ABCC1: variants seen among roughly 807,000 people sequenced by gnomAD.
The protein encoded by ABCC1 is multidrug resistance-associated protein 1.
In ABCC1, 83 loss-of-function variants were observed where a neutral mutation model predicts 172.9. The ratio of observed to expected loss-of-function variants is 0.48; its 90% confidence interval spans 0.40 to 0.58. The LOEUF is 0.58. Among genes scored for constraint, ABCC1 ranks in the 20% least tolerant of loss-of-function variants. ABCC1 has a pLI of 0.00. For synonymous variants in ABCC1, 937 were observed against 825.2 expected, an observed-to-expected ratio of 1.14 and a Z score of -2.32; for missense variants, 1,817 against 2,002.7, an observed-to-expected ratio of 0.91 and a Z score of 1.77.
At chr16:16,012,167 C>T (rs1197213228) in intron 3 of ABCC1, among the ~76,000 whole-genome samples, 1 of 152,216 alleles carries the variant, frequency 6.6e-6, no homozygotes, top group African/African-American at 2.4e-5. Flanking sequence ...GTCCTAATCC[C>T]TTTATTAACC....
intron 1 of ABCC1, among the ~76,000 whole-genome samples, chr16:15,986,499 C>T (rs139823195): frequency 6.4e-4 from 98 of 152,308 alleles, no homozygotes; most frequent in Admixed American, 2.1e-3. Flanking sequence ...TGAACCCTAA[C>T]GTGAACCGTG....
At chr16:16,124,390 T>TGG in intron 24 of ABCC1, among the ~76,000 whole-genome samples, 1 of 127,682 alleles carries the variant, frequency 7.8e-6, no homozygotes, top group Non-Finnish European at 1.7e-5. Context: ...TGTGTGTGTG[T>TGG]GTGTGTGTGT....
rs1491397616 is a variant in ABCC1, at chr16:16,026,464, C to CTTTTTTTTTTTTTTTT, written c.616-6645_616-6644insTTTTTTTTTTTTTTTT. ...AAAAAAAAAAAAAAAAAGGCTATTTCCTTTTTTTTTTTTTTTTTTTTTTTG... is the reference window on the plus strand; with the variant it reads ...AAAAAAAAAAAAAAAAAGGCTATTTCTTTTTTTTTTTTTTTTCTTTTTTTTTTTTTTTTTTTTTTTG... On this transcript the variant is annotated intron_variant, in intron 5 of 30. Transcript: ENST00000399410. 1.3e-4 allele frequency among the ~76,000 whole-genome samples: 13 copies of CTTTTTTTTTTTTTTTT among 102,254 alleles called. 1 individual carries two copies. Among genetic ancestry groups the CTTTTTTTTTTTTTTTT allele is most frequent in the African/African-American group, 3.5e-4 (10 of 28,678 alleles). 67.1% of individuals were successfully genotyped at this position (102,254 alleles called of 152,430 possible). A position where few individuals can be genotyped will look rare whatever the true frequency, so the allele number is the denominator to read the frequency against.
intron 20 of ABCC1, 34 bp downstream of exon 20, chr16:16,102,751 C>G (rs1010439181): frequency 1.2e-5 from 18 of 1,543,972 alleles, no homozygotes; most frequent in Non-Finnish European, 1.6e-5. Context: ...AACCTAAGGA[C>G]CCTGCCCTGC....
At chr16:16,115,221 A>C in intron 23 of ABCC1, 145 bp downstream of exon 23, 1 of 946,230 alleles carries the variant, frequency 1.1e-6, no homozygotes, top group Non-Finnish European at 1.5e-6. Context: ...TCGAATACCT[A>C]AATTGTTTTT....
chr16:16,068,346 G>A, intron 13 of ABCC1, 44 bp downstream of exon 13: 3 of 1,606,576 alleles, frequency 1.9e-6, no homozygotes, highest in Non-Finnish European at 2.6e-6. Context: ...GGGCCTTGGG[G>A]TTCTAGGCCA....
intron 26 of ABCC1, among the ~76,000 whole-genome samples, chr16:16,127,004 G>A (rs924092109): frequency 2.0e-5 from 3 of 152,110 alleles, no homozygotes; most frequent in African/African-American, 7.2e-5. Flanking sequence ...TAGGACCCGT[G>A]CCTCCAGTCT....
chr16:16,120,143 C>T (rs911219508), intron 23 of ABCC1, among the ~76,000 whole-genome samples: 1 of 152,148 alleles, frequency 6.6e-6, no homozygotes, highest in Non-Finnish European at 1.5e-5. Flanking sequence ...TAAAAGCCAC[C>T]TGCTGCTATT....
chr16:16,122,065 G>C lies in ABCC1; in HGVS notation c.3481G>C (p.Gly1161Arg). ...VYSHFNETLL[G>R]VSVIRAFEEQ... Reference sequence around the variant, plus strand: ...TTCCCATTTCAACGAGACCTTGCTGGGGGTCAGCGTCATTCGAGCCTTCGA... The same window carrying C: ...TTCCCATTTCAACGAGACCTTGCTGCGGGTCAGCGTCATTCGAGCCTTCGA... Residue 1161 changes from glycine to arginine, a missense_variant, in exon 24 of 31, where the codon GGG becomes CGG. Gly to Arg is a moderately radical substitution (Grantham distance 125). Around this residue, in one of 3 missense-constraint regions of ABCC1, gnomAD observed 1,412 missense variants for 1,600.3 expected, o/e 0.88. Coordinates refer to ENST00000399410, the MANE Select transcript of ABCC1 (RefSeq NM_004996.4). The C allele has an allele frequency of 6.2e-7, 1 of 1,614,174 alleles. No homozygotes were observed.
At chr16:15,982,826 G>GAAAAAAAAAAAAAAAAAAAAA (rs1272269895) in intron 1 of ABCC1, among the ~76,000 whole-genome samples, 4 of 43,632 alleles carry the variant, frequency 9.2e-5, no homozygotes, top group Non-Finnish European at 1.1e-4. Context: ...AAAAAAAAAG[G>GAAAAAAAAAAAAAAAAAAAAA]AAATCCATTC....
chr16:16,062,515 G>A (rs989947877), intron 12 of ABCC1, among the ~76,000 whole-genome samples: 3 of 152,062 alleles, frequency 2.0e-5, no homozygotes, highest in Non-Finnish European at 4.4e-5. Context: ...CCCGGCTACC[G>A]GCTTTACTTA....
intron 5 of ABCC1, among the ~76,000 whole-genome samples, 186 bp downstream of exon 5, chr16:16,016,807 G>A (rs1265305132): frequency 6.6e-6 from 1 of 152,220 alleles, no homozygotes; most frequent in African/African-American, 2.4e-5. Flanking sequence ...GGCTGGGGGA[G>A]CTGAAGGAGA....
At chr16:15,994,551 A>C (rs75628216) in intron 1 of ABCC1, among the ~76,000 whole-genome samples, 3 of 151,956 alleles carry the variant, frequency 2.0e-5, no homozygotes, top group African/African-American at 7.3e-5. Context: ...TTTGTTTCCA[A>C]CTCAGCATTT....
chr16:16,120,285 C>T (rs765626086), intron 23 of ABCC1, among the ~76,000 whole-genome samples: 9 of 152,154 alleles, frequency 5.9e-5, no homozygotes, highest in Non-Finnish European at 1.5e-5. Context: ...ATTGTAGGCA[C>T]CTTGTGGAAT....
chr16:16,008,012 C>A lies in ABCC1; in HGVS notation c.225+20C>A. 2 of 1,394,206 alleles carry A rather than the reference C, an allele frequency of 1.4e-6. No homozygotes were observed. The allele number at this position is 1,394,206 out of a possible 1,614,324, so 86.4% of individuals were successfully genotyped here. ...AAAACTGTAAGTCACTGGGGGGTTT[C>A]GTTGTGGGGGGTGGGAAGGTGCACC... On this transcript the variant is annotated intron_variant, in intron 2 of 30. Transcript: ENST00000399410.
intron 1 of ABCC1, among the ~76,000 whole-genome samples, chr16:15,992,261 T>C (rs1236391431): frequency 1.3e-5 from 2 of 152,086 alleles, no homozygotes; most frequent in Admixed American, 1.3e-4. Context: ...TGGTGAGTTG[T>C]ATAATTATTT....
chr16:16,011,541 G>A (rs757941818), intron 3 of ABCC1, among the ~76,000 whole-genome samples: 1 of 151,164 alleles, frequency 6.6e-6, no homozygotes. Flanking sequence ...CTTCACTGGC[G>A]TGAGATCACA....
intron 17 of ABCC1, among the ~76,000 whole-genome samples, chr16:16,084,605 C>T (rs1030529401): frequency 1.5e-4 from 22 of 144,644 alleles, no homozygotes; most frequent in East Asian, 4.1e-4. Flanking sequence ...CTCAAGTGAT[C>T]GGCTGGCCTC....
chr16:16,090,312 C>G (rs554300464), intron 18 of ABCC1, 93 bp from the exon 19 acceptor site: 1 of 1,346,240 alleles, frequency 7.4e-7, no homozygotes, highest in Non-Finnish European at 9.8e-7. Context: ...ACCAGGTGTT[C>G]GTCGGCTCAT....
Sources: gnomAD v4.1 joint callset for allele counts (sites outside exome capture counted in the v4.1 genomes callset) on GRCh38, gnomAD v4.1.1 for gene constraint, gnomAD v4.1.1 regional missense constraint, MANE v1.5 for transcripts, NCBI Gene and HGNC (gene_info 2026-07-23, HGNC 2026-07-21) for gene names.